Variants in ATP6V1A observed in about 807,000 individuals in gnomAD.
ATP6V1A encodes the protein V-type proton ATPase catalytic subunit A.
A neutral mutation model predicts 70.1 loss-of-function variants in ATP6V1A; 18 were observed. That is an observed-to-expected ratio of 0.26 (90% CI 0.18 to 0.38). ATP6V1A has a LOEUF of 0.38. Ranked by LOEUF, ATP6V1A falls within the 10% of genes least tolerant of loss-of-function variation. ATP6V1A has a pLI of 1.00. For missense variants in ATP6V1A, 424 were observed against 772.4 expected (o/e 0.55, Z 5.35); for synonymous variants, 232 against 253.8 (o/e 0.91, Z 0.82).
chr3:113,778,400 A>G (rs1293920132), intron 1 of ATP6V1A, among the ~76,000 whole-genome samples: 2 of 151,472 alleles, frequency 1.3e-5, no homozygotes, highest in Non-Finnish European at 2.9e-5. Flanking sequence ...TCTCAAAAAA[A>G]CAAACAAACA....
At chr3:113,803,492 A>C (rs1709238590) in intron 12 of ATP6V1A, 91 bp from the exon 13 acceptor site, 3 of 933,806 alleles carry the variant, frequency 3.2e-6, no homozygotes, top group Non-Finnish European at 5.0e-6. Flanking sequence ...TGATGGTGGA[A>C]ACTATATAAT....
chr3:113,803,470 A>G (rs1709238431), intron 12 of ATP6V1A, 113 bp from the exon 13 acceptor site: 1 of 782,018 alleles, frequency 1.3e-6, no homozygotes, highest in African/African-American at 1.7e-5. Flanking sequence ...AAGTAAATTT[A>G]TTAACAATAG....
chr3:113,773,872 T>C (rs1410307317), intron 1 of ATP6V1A, among the ~76,000 whole-genome samples: 3 of 152,196 alleles, frequency 2.0e-5, no homozygotes, highest in African/African-American at 4.8e-5. Flanking sequence ...AGAGCACATA[T>C]GTCACCTTAT....
intron 11 of ATP6V1A, among the ~76,000 whole-genome samples, chr3:113,797,721 A>T (rs369784902): frequency 3.9e-5 from 6 of 152,348 alleles, no homozygotes; most frequent in African/African-American, 1.4e-4. Flanking sequence ...TTCGATTTGT[A>T]GGTATTATGC....
At chr3:113,797,800 A>G (rs1201331256) in intron 11 of ATP6V1A, among the ~76,000 whole-genome samples, 1 of 152,198 alleles carries the variant, frequency 6.6e-6, no homozygotes, top group Non-Finnish European at 1.5e-5. Context: ...AATTTTACTT[A>G]GTATATACTA....
rs187593867 is a variant in ATP6V1A, at chr3:113,795,936, T to C, written c.1287T>C (p.Val429=). The C allele has an allele frequency of 4.9e-4, 784 of 1,609,348 alleles. 2 individuals are homozygous for C. Among genetic ancestry groups the C allele is most frequent in the Non-Finnish European group, 5.3e-4 (622 of 1,178,330 alleles). ...DPVTSATLGI[V]QVFWGLDKKL... ...TTACATCTGCCACTCTTGGTATCGT[T>C]CAGGTATGTCTTTCCCTAGTATAGT... Residue 429 remains valine (V), a synonymous_variant, in exon 11 of 15, where the codon GTT becomes GTC. Transcript: ENST00000273398.
In ATP6V1A at chr3:113,794,998, A is replaced by G; in HGVS notation, c.1111+4A>G. 6.2e-7 allele frequency: 1 copy of G among 1,613,632 alleles called. No individual in the cohort carries two copies. Among genetic ancestry groups the G allele is most frequent in the Non-Finnish European group, 8.5e-7 (1 of 1,179,818 alleles). ...CGTTTAGCTGAAATGCCTGCAGGTA[A>G]GTCTGTGTATTGCTTATCATGTAAA... is the stretch of plus-strand genomic sequence containing the variant. On this transcript the variant is annotated splice_donor_region_variant and intron_variant, in intron 9 of 14. Coordinates refer to ENST00000273398, the MANE Select transcript of ATP6V1A (RefSeq NM_001690.4).
chr3:113,801,918 CAA>C (rs1383140385), intron 12 of ATP6V1A, among the ~76,000 whole-genome samples: 3 of 73,890 alleles, frequency 4.1e-5, no homozygotes, highest in Non-Finnish European at 5.8e-5. Flanking sequence ...AAGGGATTTA[CAA>C]AAAAAAAAAA....
At chr3:113,791,326 C>G (rs1402714647) in intron 8 of ATP6V1A, among the ~76,000 whole-genome samples, 1 of 150,284 alleles carries the variant, frequency 6.7e-6, no homozygotes, top group Non-Finnish European at 1.5e-5. Flanking sequence ...TTCAGCTCAT[C>G]AAGTATCTCT....
In ATP6V1A at chr3:113,780,477, A is replaced by C. The variant is rs16861327; in HGVS notation, c.83-573A>C. On this transcript the variant is annotated intron_variant, in intron 2 of 14. Transcript: ENST00000273398. ...TATAAATATCCTTACGGCCTATGAA[A>C]AAAATTTTGTAGATGTGTGTGTGAG... is the stretch of plus-strand genomic sequence containing the variant. 5.9e-3 allele frequency among the ~76,000 whole-genome samples: 898 copies of C among 152,282 alleles called. 14 individuals carry two copies. Among genetic ancestry groups the C allele is most frequent in the African/African-American group, 0.021 (855 of 41,528 alleles).
At chr3:113,770,061 ATTTATTTT>A (rs1048218922) in intron 1 of ATP6V1A, among the ~76,000 whole-genome samples, 1 of 117,682 alleles carries the variant, frequency 8.5e-6, no homozygotes, top group Admixed American at 7.9e-5. Context: ...TTATTTATTT[ATTTATTTT>A]TGAGACTCTC....
rs1373818619 is a variant in ATP6V1A at position 113,810,951 on chromosome 3, TG to T, written c.*1525del. On this transcript the variant is annotated 3_prime_UTR_variant, in exon 15 of 15. Coordinates refer to ENST00000273398, the MANE Select transcript of ATP6V1A (RefSeq NM_001690.4). ...ATCCTAATAGGAATGAAATTAATTT[TG>T]TATCTACTGATAACAGAATCTGGGT... 2 of 152,340 alleles carry T rather than the reference TG, an allele frequency of 1.3e-5. No homozygotes were observed. Among genetic ancestry groups the T allele is most frequent in the African/African-American group, 4.8e-5 (2 of 41,566 alleles). The allele number at this position is 152,340 out of a possible 1,614,324, so 9.4% of individuals were successfully genotyped here. A position where few individuals can be genotyped will look rare whatever the true frequency, so the allele number is the denominator to read the frequency against.
chr3:113,792,863 C>G (rs1709111148), intron 8 of ATP6V1A, among the ~76,000 whole-genome samples: 1 of 152,186 alleles, frequency 6.6e-6, no homozygotes, highest in Non-Finnish European at 1.5e-5. Context: ...GTACCCAGCA[C>G]TTAGATTTGA....
intron 1 of ATP6V1A, among the ~76,000 whole-genome samples, chr3:113,756,439 G>A (rs535375772): frequency 1.3e-5 from 2 of 151,986 alleles, no homozygotes; most frequent in South Asian, 2.1e-4. Flanking sequence ...CTCCAATTTA[G>A]GGATGTTCAG....
intron 1 of ATP6V1A, among the ~76,000 whole-genome samples, chr3:113,778,391 C>T (rs1324320178): frequency 2.0e-5 from 3 of 151,496 alleles, no homozygotes; most frequent in East Asian, 3.9e-4. Context: ...TAGACTCTGT[C>T]TCAAAAAAAC....
intron 8 of ATP6V1A, among the ~76,000 whole-genome samples, chr3:113,793,582 A>T (rs1709121247): frequency 6.6e-6 from 1 of 152,190 alleles, no homozygotes; most frequent in Non-Finnish European, 1.5e-5. Context: ...TCACAGATTT[A>T]AAACACAGCA....
Position 113,788,815 on chromosome 3 carries a change from C to A in ATP6V1A, c.819C>A (p.Ile273=). The part of the protein sequence containing the change: ...LSKYSNSDVI[I]YVGCGERGNE... ...AGTATTCTAACAGTGATGTAATCAT[C>A]TATGTAGGATGTGGTGAAAGAGGAA... is the stretch of plus-strand genomic sequence containing the variant. Residue 273 remains isoleucine (I), a synonymous_variant, in exon 7 of 15, where the codon ATC becomes ATA. Transcript: ENST00000273398. The A allele has an allele frequency of 6.2e-7, 1 of 1,613,760 alleles. No individual in the cohort carries two copies. Among genetic ancestry groups the A allele is most frequent in the Non-Finnish European group, 8.5e-7 (1 of 1,179,888 alleles).
At chr3:113,804,674 G>A (rs752922973) in intron 13 of ATP6V1A, among the ~76,000 whole-genome samples, 4 of 152,148 alleles carry the variant, frequency 2.6e-5, no homozygotes, top group African/African-American at 7.2e-5. Flanking sequence ...GGAACTTAAC[G>A]AAGCTTCTAG....
Position 113,803,688 on chromosome 3 carries a change from T to C in ATP6V1A, c.1589+11T>C. 1 of 1,568,042 alleles carries C rather than the reference T, an allele frequency of 6.4e-7. No individual in the cohort carries two copies. The highest frequency in any genetic ancestry group is 2.2e-5 in the East Asian group (1 of 44,506). On this transcript the variant is annotated intron_variant, in intron 13 of 14. Transcript: ENST00000273398. ...TACTCCTTATGACAGGTAAGCTATATTGATTTCCTTTTTTTATTTGAGGAT... is the reference window on the plus strand; with the variant it reads ...TACTCCTTATGACAGGTAAGCTATACTGATTTCCTTTTTTTATTTGAGGAT...
Sources: allele counts gnomAD v4.1 joint callset (sites outside exome capture counted in the v4.1 genomes callset), GRCh38; gene constraint gnomAD v4.1.1; transcripts MANE v1.5; gene names NCBI Gene and HGNC (gene_info 2026-07-23, HGNC 2026-07-21).